Variants in SAMTOR observed in about 807,000 individuals in gnomAD.
SAMTOR encodes the protein UPF0532 protein C7orf60.
At chr7:112,894,699 C>T in the SAMTOR span, among the ~76,000 whole-genome samples, 1 of 152,168 alleles carries the variant, frequency 6.6e-6, no homozygotes, top group Admixed American at 6.5e-5. Flanking sequence ...TGGGGGAAAC[C>T]GCCCCCATGA....
chr7:112,902,425 A>C, the SAMTOR span, among the ~76,000 whole-genome samples: 12,696 of 99,872 alleles, frequency 0.13, 2,320 homozygotes, highest in Middle Eastern at 0.31. Context: ...TCAAAAAAAA[A>C]AAACAAAAAA....
chr7:112,874,068 A>T, the SAMTOR span, among the ~76,000 whole-genome samples: 3 of 152,164 alleles, frequency 2.0e-5, no homozygotes, highest in Non-Finnish European at 4.4e-5. Context: ...GCAGGGATAC[A>T]GAGAAAAGGG....
At chr7:112,906,598 C>T in the SAMTOR span, among the ~76,000 whole-genome samples, 1 of 144,078 alleles carries the variant, frequency 6.9e-6, no homozygotes, top group African/African-American at 2.6e-5. Context: ...GAGACAGAGT[C>T]TTGCTCTGTC....
At chr7:112,885,627 T>C in the SAMTOR span, among the ~76,000 whole-genome samples, 2 of 152,158 alleles carry the variant, frequency 1.3e-5, no homozygotes, top group Non-Finnish European at 1.5e-5. Flanking sequence ...TCATTGTCCA[T>C]ATCACCACCA....
At chr7:112,912,977 A>G in the SAMTOR span, among the ~76,000 whole-genome samples, 2 of 152,186 alleles carry the variant, frequency 1.3e-5, no homozygotes, top group Admixed American at 6.5e-5. Flanking sequence ...ATTTAAAAGC[A>G]CTACGCTAAA....
chr7:112,872,856 A>G, the SAMTOR span, among the ~76,000 whole-genome samples: 7,262 of 151,972 alleles, frequency 0.048, 576 homozygotes, highest in African/African-American at 0.17. Context: ...TATACTATTT[A>G]TAATGGCCAT....
the SAMTOR span, chr7:112,832,737 T>C: frequency 9.1e-7 from 1 of 1,094,670 alleles, no homozygotes; most frequent in Admixed American, 2.0e-5. Context: ...TCACATAGAT[T>C]ATCAGTTCTT....
At chr7:112,933,887 A>G in the SAMTOR span, among the ~76,000 whole-genome samples, 1 of 152,210 alleles carries the variant, frequency 6.6e-6, no homozygotes, top group Non-Finnish European at 1.5e-5. Flanking sequence ...GACGCTTTAA[A>G]GCTGCAAACA....
the SAMTOR span, among the ~76,000 whole-genome samples, chr7:112,836,692 T>C: frequency 1.3e-5 from 2 of 151,116 alleles, no homozygotes; most frequent in South Asian, 4.1e-4. Flanking sequence ...TATGGCTAGT[T>C]ATCCCAGCAA....
chr7:112,907,610 G>A, the SAMTOR span, among the ~76,000 whole-genome samples: 4 of 150,624 alleles, frequency 2.7e-5, no homozygotes, highest in East Asian at 5.9e-4. Context: ...AGAAAAATTA[G>A]AGACCAAAAG....
At chr7:112,875,611 T>G in the SAMTOR span, among the ~76,000 whole-genome samples, 2 of 152,128 alleles carry the variant, frequency 1.3e-5, no homozygotes, top group African/African-American at 4.8e-5. Flanking sequence ...CATTACCCCT[T>G]AACCTTTCCC....
the SAMTOR span, among the ~76,000 whole-genome samples, chr7:112,849,038 G>T: frequency 9.4e-3 from 1,303 of 138,290 alleles, 23 homozygotes; most frequent in African/African-American, 0.036. Flanking sequence ...GACAGAGCAA[G>T]ACTCCATCTA....
chr7:112,922,882 GGGGTCAGCCCCCCCCCCCC>G, the SAMTOR span, among the ~76,000 whole-genome samples: 2 of 114,364 alleles, frequency 1.7e-5, no homozygotes, highest in South Asian at 3.2e-4. Flanking sequence ...GGGAGGTGGG[GGGGTCAGCCCCCCCCCCCC>G]GGGCCAGCCG....
the SAMTOR span, chr7:112,895,501 T>A: frequency 8.3e-7 from 1 of 1,198,938 alleles, no homozygotes. Context: ...CTGTTTAGTA[T>A]GAACCACTGC....
At chr7:112,907,834 CTTACTTACTTAT>C in the SAMTOR span, among the ~76,000 whole-genome samples, 2 of 119,782 alleles carry the variant, frequency 1.7e-5, no homozygotes, top group African/African-American at 5.9e-5. Flanking sequence ...AATGGGTATT[CTTACTTACTTAT>C]TTATTTATTT....
chr7:112,919,446 G>A, the SAMTOR span, among the ~76,000 whole-genome samples: 1 of 151,282 alleles, frequency 6.6e-6, no homozygotes, highest in African/African-American at 2.4e-5. Context: ...CACATTCAAA[G>A]CAGTGTGTAG....
At chr7:112,939,462 C>T in the SAMTOR span, 1 of 1,422,218 alleles carries the variant, frequency 7.0e-7, no homozygotes. Flanking sequence ...CCCGGGAGAG[C>T]AGCAGCGGCT....
the SAMTOR span, among the ~76,000 whole-genome samples, chr7:112,903,590 C>T: frequency 2.0e-5 from 3 of 152,096 alleles, no homozygotes; most frequent in Non-Finnish European, 4.4e-5. Flanking sequence ...AATGTTCTTA[C>T]ATGATACACA....
At chr7:112,847,681 G>A in the SAMTOR span, among the ~76,000 whole-genome samples, 1 of 152,262 alleles carries the variant, frequency 6.6e-6, no homozygotes, top group African/African-American at 2.4e-5. Context: ...AGGAGGCTGA[G>A]GCGGGAGAAT....
Sources: gnomAD v4.1 joint callset for allele counts (sites outside exome capture counted in the v4.1 genomes callset) on GRCh38, gnomAD v4.1.1 for gene constraint, MANE v1.5 for transcripts, NCBI Gene and HGNC (gene_info 2026-07-23, HGNC 2026-07-21) for gene names.